KLF12: variants seen among roughly 807,000 people sequenced by gnomAD.
The protein encoded by KLF12 is KLF transcription factor 12.
In KLF12, 9 loss-of-function variants were observed where a neutral mutation model predicts 37.8. The ratio of observed to expected loss-of-function variants is 0.24; its 90% CI spans 0.14 to 0.42. The LOEUF is 0.42. KLF12 is among the 10% of genes least tolerant of loss of function. The pLI is 1.00. For synonymous variants in KLF12, 208 were observed against 202.1 expected, an observed-to-expected ratio of 1.03 and a Z score of -0.25; for missense variants, 411 against 516.0, an observed-to-expected ratio of 0.80 and a Z score of 1.97.
chr13:73,717,563 A>G (rs1215936101), intron 6 of KLF12, among the ~76,000 whole-genome samples: 2 of 152,266 alleles, frequency 1.3e-5, no homozygotes, highest in Non-Finnish European at 2.9e-5. Context: ...TTAGGCAAAC[A>G]AAGCTTTCTG....
intron 3 of KLF12, among the ~76,000 whole-genome samples, chr13:73,887,440 G>C (rs1244302690): frequency 1.3e-5 from 2 of 152,026 alleles, no homozygotes; most frequent in Non-Finnish European, 2.9e-5. Flanking sequence ...AGGAGATCTG[G>C]TTACATAAAA....
the KLF12 span, among the ~76,000 whole-genome samples, chr13:74,195,269 G>A: frequency 6.6e-6 from 1 of 152,168 alleles, no homozygotes; most frequent in Admixed American, 6.5e-5. Flanking sequence ...ATTAAAGATG[G>A]TTTATACAAT....
chr13:74,285,888 C>T, the KLF12 span, among the ~76,000 whole-genome samples: 1 of 152,196 alleles, frequency 6.6e-6, no homozygotes, highest in Non-Finnish European at 1.5e-5. Context: ...GCCCTGAAGC[C>T]AATGCACTTC....
At position 73,751,640 on chromosome 13, in the gene KLF12, C is replaced by A. The variant is rs1382018431; in HGVS notation, c.869+13298G>T. Reference sequence around the variant, plus strand: ...TTTCTAGCTTGGGTGATTTTGTAGACGAGGAATGAGAAGACTGAGGTTAGG... The same window carrying A: ...TTTCTAGCTTGGGTGATTTTGTAGAAGAGGAATGAGAAGACTGAGGTTAGG... On this transcript the variant is annotated intron_variant, in intron 6 of 7. Coordinates refer to ENST00000377669, the MANE Select transcript of KLF12 (RefSeq NM_007249.5). Among the ~76,000 whole-genome samples, 4 of 152,068 alleles carry A rather than the reference C, an allele frequency of 2.6e-5. No individual in the cohort carries two copies. The East Asian group carries it at 7.7e-4, about 29-fold the overall frequency.
intron 1 of KLF12, among the ~76,000 whole-genome samples, chr13:74,065,057 T>C (rs1377799240): frequency 2.0e-5 from 3 of 152,166 alleles, no homozygotes; most frequent in Non-Finnish European, 4.4e-5. Context: ...TTCTGATTCA[T>C]ATATACATAG....
At chr13:73,891,086 G>A (rs1887483342) in intron 3 of KLF12, among the ~76,000 whole-genome samples, 1 of 151,768 alleles carries the variant, frequency 6.6e-6, no homozygotes, top group African/African-American at 2.4e-5. Context: ...ACCTTAATAA[G>A]ACTAAAGACA....
At chr13:73,779,936 A>G (rs571122857) in intron 5 of KLF12, among the ~76,000 whole-genome samples, 14 of 152,340 alleles carry the variant, frequency 9.2e-5, no homozygotes, top group African/African-American at 3.4e-4. Flanking sequence ...ACCATTCTAG[A>G]TGCCATTAAG....
chr13:73,838,534 A>G (rs1319385437), intron 4 of KLF12, among the ~76,000 whole-genome samples: 2 of 152,228 alleles, frequency 1.3e-5, no homozygotes, highest in Admixed American at 6.5e-5. Flanking sequence ...CTTCATACTC[A>G]AGGATCTAAA....
chr13:73,879,514 T>C (rs770411762), intron 3 of KLF12, among the ~76,000 whole-genome samples: 2 of 152,184 alleles, frequency 1.3e-5, no homozygotes, highest in Non-Finnish European at 2.9e-5. Context: ...ATAGGAAACA[T>C]AGATAAGATA....
At chr13:74,258,263 A>G in the KLF12 span, 2 of 151,942 alleles carry the variant, frequency 1.3e-5, no homozygotes, top group African/African-American at 2.4e-5. Context: ...GAAGACAGCT[A>G]TGTATAAGTT....
intron 1 of KLF12, among the ~76,000 whole-genome samples, chr13:74,126,410 CTA>C (rs1314142543): frequency 3.3e-5 from 5 of 152,110 alleles, no homozygotes; most frequent in African/African-American, 1.2e-4. Flanking sequence ...TATATACAAT[CTA>C]TTAGTCATTA....
chr13:74,060,455 G>A (rs73529190), intron 1 of KLF12, among the ~76,000 whole-genome samples: 26,533 of 148,478 alleles, frequency 0.18, 2,595 homozygotes, highest in African/African-American at 0.25. Flanking sequence ...GACATCTTTC[G>A]CCTCCGTGGT....
intron 3 of KLF12, among the ~76,000 whole-genome samples, chr13:73,884,659 T>C (rs1566437449): frequency 6.6e-6 from 1 of 152,232 alleles, no homozygotes; most frequent in African/African-American, 2.4e-5. Context: ...CTGTCCCATA[T>C]GGCAGCCACT....
At chr13:74,077,056 T>C (rs1874605930) in intron 1 of KLF12, among the ~76,000 whole-genome samples, 2 of 152,226 alleles carry the variant, frequency 1.3e-5, no homozygotes, top group Non-Finnish European at 2.9e-5. Context: ...CTGATGGACA[T>C]TTAGGTTGAT....
At chr13:74,086,364 C>A (rs1332806103) in intron 1 of KLF12, among the ~76,000 whole-genome samples, 3 of 148,376 alleles carry the variant, frequency 2.0e-5, no homozygotes, top group African/African-American at 5.0e-5. Flanking sequence ...TGAGAACATG[C>A]GGTGTTTGGT....
chr13:73,813,665 A>G (rs1883060667), intron 4 of KLF12, among the ~76,000 whole-genome samples: 1 of 152,166 alleles, frequency 6.6e-6, no homozygotes, highest in Non-Finnish European at 1.5e-5. Context: ...TTCACTGCTC[A>G]TTAGCACTCT....
chr13:73,884,526 C>T (rs1385621826), intron 3 of KLF12, among the ~76,000 whole-genome samples: 1 of 152,210 alleles, frequency 6.6e-6, no homozygotes, highest in Non-Finnish European at 1.5e-5. Flanking sequence ...TGGCCATACC[C>T]CTCACCACAG....
the KLF12 span, among the ~76,000 whole-genome samples, chr13:74,297,436 G>A: frequency 6.6e-6 from 1 of 152,190 alleles, no homozygotes; most frequent in Admixed American, 6.5e-5. Context: ...AGTAGTTACT[G>A]TTTGTTCAAT....
the KLF12 span, among the ~76,000 whole-genome samples, chr13:74,265,690 G>A: frequency 6.6e-6 from 1 of 152,182 alleles, no homozygotes; most frequent in East Asian, 1.9e-4. Flanking sequence ...GGGACCTACA[G>A]ACACATCCTC....
Sources: allele counts gnomAD v4.1 joint callset (sites outside exome capture counted in the v4.1 genomes callset), GRCh38; gene constraint gnomAD v4.1.1; transcripts MANE v1.5; gene names NCBI Gene and HGNC (gene_info 2026-07-23, HGNC 2026-07-21).